The following ANKS1B variants were observed in gnomAD, a reference collection of about 807,000 sequenced individuals.
ANKS1B encodes ankyrin repeat and sterile alpha motif domain containing 1B, also known as ankyrin repeat and sterile alpha motif domain-containing protein 1B.
A neutral mutation model predicts 148.3 loss-of-function variants in ANKS1B; 36 were observed. That is an observed-to-expected ratio of 0.24 (90% CI 0.19 to 0.32). The LOEUF is 0.32. Among genes scored for constraint, ANKS1B ranks in the 10% least tolerant of loss-of-function variants. The probability of loss-of-function intolerance (pLI) is 1.00; values close to 1 mark genes in which losing one functional copy is unlikely to be tolerated. For synonymous variants in ANKS1B, 542 were observed against 560.8 expected (o/e 0.97, Z 0.47); for missense variants, 1,157 against 1,542.6 (o/e 0.75, Z 4.19).
intron 1 of ANKS1B, among the ~76,000 whole-genome samples, chr12:99,835,094 CTATA>C (rs1301171635): frequency 3.2e-4 from 49 of 151,998 alleles, no homozygotes; most frequent in African/African-American, 9.9e-4. Context: ...TCAAATGGGT[CTATA>C]TCAGCACTGT....
At chr12:99,960,009 C>G (rs1214648280) in intron 1 of ANKS1B, among the ~76,000 whole-genome samples, 1 of 152,130 alleles carries the variant, frequency 6.6e-6, no homozygotes, top group Non-Finnish European at 1.5e-5. Context: ...TCTACTGAAG[C>G]ATGTCCACCA....
chr12:98,932,525 A>C (rs917641546), intron 17 of ANKS1B, among the ~76,000 whole-genome samples: 5 of 152,220 alleles, frequency 3.3e-5, no homozygotes, highest in Admixed American at 3.3e-4. Context: ...TGTAGACAAG[A>C]ACAATATAAT....
intron 17 of ANKS1B, among the ~76,000 whole-genome samples, chr12:98,875,234 A>G (rs2099685279): frequency 6.6e-6 from 1 of 152,014 alleles, no homozygotes; most frequent in African/African-American, 2.4e-5. Context: ...ATTCTTTCTT[A>G]CCAGCATTAT....
intron 14 of ANKS1B, among the ~76,000 whole-genome samples, chr12:99,181,801 C>T (rs921254879): frequency 6.6e-6 from 1 of 151,650 alleles, no homozygotes; most frequent in Non-Finnish European, 1.5e-5. Context: ...ACAAACAGTC[C>T]AAGTACACTC....
At chr12:99,821,078 T>A (rs2082443552) in intron 2 of ANKS1B, among the ~76,000 whole-genome samples, 1 of 152,024 alleles carries the variant, frequency 6.6e-6, no homozygotes, top group Admixed American at 6.6e-5. Context: ...AACTGTAGCA[T>A]CATAGTGCAT....
chr12:98,806,259 A>G (rs2099050350), intron 20 of ANKS1B, among the ~76,000 whole-genome samples: 1 of 152,232 alleles, frequency 6.6e-6, no homozygotes, highest in South Asian at 2.1e-4. Flanking sequence ...CTTTTCTAAC[A>G]TTAATAGAAA....
chr12:99,863,064 T>C (rs1259559446), intron 1 of ANKS1B, among the ~76,000 whole-genome samples: 1 of 152,190 alleles, frequency 6.6e-6, no homozygotes, highest in East Asian at 1.9e-4. Flanking sequence ...TCTAACACCA[T>C]ACTTCATGTG....
chr12:99,557,711 G>A (rs973369501), intron 9 of ANKS1B, among the ~76,000 whole-genome samples: 4 of 152,316 alleles, frequency 2.6e-5, no homozygotes, highest in Admixed American at 6.5e-5. Context: ...GAGAACTAGT[G>A]TGGTCATTCT....
chr12:99,460,449 A>C (rs1215655599), intron 10 of ANKS1B, among the ~76,000 whole-genome samples: 1 of 152,226 alleles, frequency 6.6e-6, no homozygotes, highest in Non-Finnish European at 1.5e-5. Context: ...TCTGCACAGC[A>C]AAAGAAATAA....
At chr12:99,938,770 A>C (rs1566040880) in intron 1 of ANKS1B, among the ~76,000 whole-genome samples, 1 of 152,168 alleles carries the variant, frequency 6.6e-6, no homozygotes, top group Non-Finnish European at 1.5e-5. Context: ...ACTAAAGATC[A>C]GCTGCTAATT....
chr12:98,872,809 T>G (rs1327384393), intron 17 of ANKS1B, among the ~76,000 whole-genome samples: 3 of 152,046 alleles, frequency 2.0e-5, no homozygotes, highest in Non-Finnish European at 4.4e-5. Flanking sequence ...TGTGAGACAA[T>G]AAATTACTTC....
intron 17 of ANKS1B, chr12:98,895,018 C>A (rs1433956510): frequency 1.2e-6 from 1 of 830,240 alleles, no homozygotes; most frequent in Non-Finnish European, 1.5e-6. Context: ...CGCGTCCTCC[C>A]CCGAACGCCG....
chr12:99,074,114 G>C (rs2047088675), intron 16 of ANKS1B, among the ~76,000 whole-genome samples: 1 of 152,142 alleles, frequency 6.6e-6, no homozygotes, highest in Admixed American at 6.5e-5. Flanking sequence ...ACTACAGATT[G>C]CAGGATAACT....
intron 17 of ANKS1B, among the ~76,000 whole-genome samples, chr12:98,958,743 C>T (rs573967895): frequency 6.6e-6 from 1 of 152,104 alleles, no homozygotes; most frequent in Admixed American, 6.5e-5. Flanking sequence ...ATATGCTGCA[C>T]AAAAGAGCCA....
At position 98,909,549 on chromosome 12, in the gene ANKS1B, T is replaced by C. The variant is rs767502733; in HGVS notation, c.2779-77413A>G. The stretch of plus-strand genomic sequence containing the variant: ...GTATAAACCAGGCATTATCCACATA[T>C]GTATATTTTAAAACCTCACTGAAAG... On this transcript the variant is annotated intron_variant, in intron 17 of 26. Transcript: ENST00000683438. 2.8e-4 allele frequency among the ~76,000 whole-genome samples: 42 copies of C among 152,310 alleles called. 1 individual carries two copies. Among genetic ancestry groups the C allele is most frequent in the South Asian group, 8.3e-4 (4 of 4,826 alleles).
At chr12:99,577,433 C>A (rs2097529762) in intron 9 of ANKS1B, among the ~76,000 whole-genome samples, 1 of 151,020 alleles carries the variant, frequency 6.6e-6, no homozygotes, top group South Asian at 2.1e-4. Flanking sequence ...TAAAGATCAA[C>A]AAGACCAAAA....
chr12:98,772,651 G>A (rs572264892), intron 25 of ANKS1B, among the ~76,000 whole-genome samples: 5 of 152,216 alleles, frequency 3.3e-5, no homozygotes, highest in African/African-American at 7.2e-5. Context: ...CCACCCCCAC[G>A]ATTCAATTAC....
At chr12:99,721,795 G>A (rs904873397) in intron 8 of ANKS1B, among the ~76,000 whole-genome samples, 1 of 152,214 alleles carries the variant, frequency 6.6e-6, no homozygotes, top group Non-Finnish European at 1.5e-5. Flanking sequence ...GGCCTCATGT[G>A]CCAAACAGTT....
chr12:99,453,070 C>T (rs969446850), intron 10 of ANKS1B, among the ~76,000 whole-genome samples: 2 of 152,132 alleles, frequency 1.3e-5, no homozygotes, highest in Non-Finnish European at 2.9e-5. Flanking sequence ...GTGGGCGGAT[C>T]ACAAGGTCAG....
Sources: gnomAD v4.1 joint callset for allele counts (sites outside exome capture counted in the v4.1 genomes callset) on GRCh38, gnomAD v4.1.1 for gene constraint, MANE v1.5 for transcripts, NCBI Gene and HGNC (gene_info 2026-07-23, HGNC 2026-07-21) for gene names.